The following ELAVL4 variants were observed in gnomAD, a reference collection of about 807,000 sequenced individuals.
The protein encoded by ELAVL4 is ELAV-like protein 4.
A neutral mutation model predicts 35.6 loss-of-function variants in ELAVL4; 1 was observed. The observed-to-expected ratio is 0.03, with a 90% confidence interval of 0.01 to 0.13. ELAVL4 has a LOEUF of 0.13. ELAVL4 is among the 10% of genes least tolerant of loss of function. The probability of loss-of-function intolerance (pLI) is 1.00; values close to 1 mark genes in which losing one functional copy is unlikely to be tolerated. For missense variants in ELAVL4, 267 were observed against 464.9 expected (o/e 0.57, Z 3.91); for synonymous variants, 156 against 171.0 (o/e 0.91, Z 0.69).
chr1:50,048,722 A>T (rs895901304), intron 1 of ELAVL4, among the ~76,000 whole-genome samples: 1 of 152,112 alleles, frequency 6.6e-6, no homozygotes, highest in Non-Finnish European at 1.5e-5. Flanking sequence ...ACCCTCCCCT[A>T]TCTTTCCTCT....
chr1:50,186,648 G>T (rs1161875291), intron 3 of ELAVL4, among the ~76,000 whole-genome samples: 1 of 152,128 alleles, frequency 6.6e-6, no homozygotes, highest in African/African-American at 2.4e-5. Flanking sequence ...AAATTTTCTG[G>T]ACATATTCAG....
chr1:50,087,026 G>C (rs1665277140), intron 1 of ELAVL4, among the ~76,000 whole-genome samples: 1 of 152,144 alleles, frequency 6.6e-6, no homozygotes, highest in South Asian at 2.1e-4. Context: ...CTGAGGAAGA[G>C]GGTGGGCTTA....
At chr1:50,079,729 G>A (rs552699987) in intron 1 of ELAVL4, among the ~76,000 whole-genome samples, 5 of 152,316 alleles carry the variant, frequency 3.3e-5, no homozygotes, top group Non-Finnish European at 7.4e-5. Context: ...CAGGAAGGTT[G>A]ATACATGTAA....
intron 1 of ELAVL4, among the ~76,000 whole-genome samples, chr1:50,116,999 G>A (rs1175816612): frequency 6.6e-6 from 1 of 152,092 alleles, no homozygotes; most frequent in Non-Finnish European, 1.5e-5. Context: ...TGTCCTCATA[G>A]TAACCATTCC....
At position 50,188,542 on chromosome 1, in the gene ELAVL4, C is replaced by T. The variant is rs143327837; in HGVS notation, c.355-5223C>T. On this transcript the variant is annotated intron_variant, in intron 3 of 6. Transcript: ENST00000371824. ...TGGAATCCTAAGGTCATCTTTATTG[C>T]CAATTAAGGCCTGGATGGGTTGCAT... is the stretch of plus-strand genomic sequence containing the variant. Among the ~76,000 whole-genome samples, 482 of 152,242 alleles carry T rather than the reference C, an allele frequency of 3.2e-3. 4 individuals are homozygous for T. The highest frequency in any genetic ancestry group is 0.011 in the African/African-American group (458 of 41,534).
upstream of ELAVL4, among the ~76,000 whole-genome samples, chr1:50,108,675 A>C (rs1666572439): frequency 6.6e-6 from 1 of 152,136 alleles, no homozygotes. Flanking sequence ...AGGAGGGAAA[A>C]GGTAAAAATA....
chr1:50,170,283 G>C (rs1297888215), intron 2 of ELAVL4, among the ~76,000 whole-genome samples: 1 of 152,128 alleles, frequency 6.6e-6, no homozygotes, highest in East Asian at 1.9e-4. Flanking sequence ...AGTAATATTA[G>C]CCCCATCTTA....
upstream of ELAVL4, among the ~76,000 whole-genome samples, chr1:50,102,143 C>T (rs1421869644): frequency 3.3e-5 from 5 of 151,758 alleles, no homozygotes; most frequent in African/African-American, 7.3e-5. Flanking sequence ...AAAAATTAGC[C>T]GGGTGTGGTG....
intron 2 of ELAVL4, among the ~76,000 whole-genome samples, chr1:50,172,094 G>A (rs1221609947): frequency 1.3e-5 from 2 of 152,186 alleles, no homozygotes; most frequent in Non-Finnish European, 2.9e-5. Context: ...TTTTTAAAAA[G>A]CGAAAGAGCA....
chr1:50,121,508 C>T (rs1014588144), intron 1 of ELAVL4, among the ~76,000 whole-genome samples: 3 of 152,012 alleles, frequency 2.0e-5, no homozygotes, highest in Non-Finnish European at 4.4e-5. Flanking sequence ...GCTTCAGTTA[C>T]CTATGTTATG....
rs369408928 is a variant in ELAVL4 at position 50,114,356 on chromosome 1, T to C, written c.9+5158T>C. Among the ~76,000 whole-genome samples, 46 of 152,082 alleles carry C rather than the reference T, an allele frequency of 3.0e-4. 1 individual carries two copies. In the South Asian group the frequency reaches 8.7e-3, roughly 29 times the overall value. On this transcript the variant is annotated intron_variant, in intron 1 of 6. Coordinates refer to ENST00000371824, the MANE Select transcript of ELAVL4 (RefSeq NM_001144774.3). ...TAACATCTGTGCTTTGCTTTGTAAG[T>C]TGGTGTGCAAGTGTGTGTGTATTAG...
intron 6 of ELAVL4, among the ~76,000 whole-genome samples, chr1:50,199,948 T>C (rs558919545): frequency 3.9e-5 from 6 of 152,206 alleles, no homozygotes; most frequent in Non-Finnish European, 7.3e-5. Flanking sequence ...CTAAACCTAA[T>C]ACAAAAGCAG....
At chr1:50,110,998 T>C (rs1666976282) in intron 1 of ELAVL4, among the ~76,000 whole-genome samples, 1 of 152,058 alleles carries the variant, frequency 6.6e-6, no homozygotes, top group Admixed American at 6.6e-5. Context: ...GGACCTCGAT[T>C]ATCTTTGCTG....
chr1:50,143,713 G>A (rs1673205384), intron 1 of ELAVL4, among the ~76,000 whole-genome samples: 1 of 152,160 alleles, frequency 6.6e-6, no homozygotes, highest in African/African-American at 2.4e-5. Context: ...TGGACAAATA[G>A]AGGACGGTGT....
At chr1:50,096,537 A>G (rs1572168115) in intron 1 of ELAVL4, among the ~76,000 whole-genome samples, 2 of 151,804 alleles carry the variant, frequency 1.3e-5, no homozygotes, top group East Asian at 3.9e-4. Context: ...AGAGCCTTGA[A>G]TGCCGTACTG....
intron 2 of ELAVL4, among the ~76,000 whole-genome samples, chr1:50,149,807 G>C (rs1332029542): frequency 6.6e-6 from 1 of 152,124 alleles, no homozygotes; most frequent in African/African-American, 2.4e-5. Flanking sequence ...CTCCCAACGT[G>C]CTGGGATTAC....
intron 3 of ELAVL4, among the ~76,000 whole-genome samples, chr1:50,193,066 C>A (rs1682908035): frequency 6.6e-6 from 1 of 152,112 alleles, no homozygotes; most frequent in African/African-American, 2.4e-5. Flanking sequence ...CATCTTGCCC[C>A]CATTTTATTT....
At chr1:50,060,889 C>T (rs1049945664) in intron 1 of ELAVL4, among the ~76,000 whole-genome samples, 1 of 152,194 alleles carries the variant, frequency 6.6e-6, no homozygotes, top group Admixed American at 6.5e-5. Context: ...GCATGATTTA[C>T]ATCCCTCATT....
At chr1:50,196,603 GGA>G (rs1256794087) in intron 5 of ELAVL4, among the ~76,000 whole-genome samples, 1 of 152,124 alleles carries the variant, frequency 6.6e-6, no homozygotes, top group African/African-American at 2.4e-5. Context: ...CTTCTATCTA[GGA>G]TAGTATGCTC....
Sources: allele counts gnomAD v4.1 joint callset (sites outside exome capture counted in the v4.1 genomes callset), GRCh38; gene constraint gnomAD v4.1.1; transcripts MANE v1.5; gene names NCBI Gene and HGNC (gene_info 2026-07-23, HGNC 2026-07-21).